TLE4: variants seen among roughly 807,000 people sequenced by gnomAD.
TLE4 encodes TLE family member 4, transcriptional corepressor, also known as transducin-like enhancer protein 4.
TLE4 carries 8 observed loss-of-function variants against 92.8 expected under a neutral mutation model. The observed-to-expected ratio is 0.09, with a 90% CI of 0.05 to 0.16. The LOEUF (loss-of-function observed/expected upper bound fraction) is 0.16. TLE4 is among the 10% of genes least tolerant of loss of function. The pLI is 1.00. For synonymous variants in TLE4, 371 were observed against 374.1 expected (o/e 0.99, Z 0.10); for missense variants, 675 against 997.6 (o/e 0.68, Z 4.36).
chr9:79,721,716 T>G, intron 16 of TLE4, 25 bp from the exon 17 acceptor site: 1 of 1,613,834 alleles, frequency 6.2e-7, no homozygotes, highest in South Asian at 1.1e-5. Context: ...TTTCAAGGGC[T>G]TTCCCTCCAT....
intron 8 of TLE4, among the ~76,000 whole-genome samples, chr9:79,682,601 G>A (rs778944572): frequency 6.6e-6 from 1 of 152,140 alleles, no homozygotes; most frequent in African/African-American, 2.4e-5. Flanking sequence ...GTTCAGGCAG[G>A]TGTTCCAAAC....
At position 79,704,811 on chromosome 9, in the gene TLE4, T is replaced by C; in HGVS notation, c.638T>C (p.Phe213Ser). ...KSSSVSPSAS[F>S]RGAEKHRNSA... ...TCTTCAGTATCCCCATCAGCCAGTTTCCGAGGTGCTGAGAAGCACAGAAAC... is the reference window on the plus strand; with the variant it reads ...TCTTCAGTATCCCCATCAGCCAGTTCCCGAGGTGCTGAGAAGCACAGAAAC... The change falls in exon 9 of 20, where the codon TTC becomes TCC. Residue 213 changes from phenylalanine (F) to serine (S), a missense_variant. This residue lies in a region of TLE4 where 280 missense variants were observed against 287.3 expected (regional missense o/e 0.97). Transcript: ENST00000376552. 1 of 1,614,168 alleles carries C rather than the reference T, an allele frequency of 6.2e-7. No individual in the cohort carries two copies. The highest frequency in any genetic ancestry group is 8.5e-7 in the Non-Finnish European group (1 of 1,180,016).
At chr9:79,642,337 C>T (rs769798747) in intron 6 of TLE4, among the ~76,000 whole-genome samples, 3 of 151,938 alleles carry the variant, frequency 2.0e-5, no homozygotes, top group Non-Finnish European at 4.4e-5. Context: ...GGCACCACAG[C>T]CTCAAATGCC....
At chr9:79,655,742 C>A (rs78419275) in intron 8 of TLE4, among the ~76,000 whole-genome samples, 1 of 152,146 alleles carries the variant, frequency 6.6e-6, no homozygotes, top group East Asian at 1.9e-4. Flanking sequence ...TTAACTGATA[C>A]CAGCCTTTGA....
At chr9:79,573,133 C>T in intron 1 of TLE4, 1 of 677,406 alleles carries the variant, frequency 1.5e-6, no homozygotes, top group Non-Finnish European at 2.0e-6. Flanking sequence ...GGGGGGGTGG[C>T]GAGCGATGAA....
intron 8 of TLE4, among the ~76,000 whole-genome samples, chr9:79,675,509 C>T (rs900737825): frequency 6.6e-6 from 1 of 152,154 alleles, no homozygotes; most frequent in African/African-American, 2.4e-5. Flanking sequence ...TGTGAATCTA[C>T]ATGAAAACAA....
chr9:79,614,578 C>A (rs1025837784), intron 5 of TLE4, among the ~76,000 whole-genome samples: 5 of 152,142 alleles, frequency 3.3e-5, no homozygotes, highest in African/African-American at 1.2e-4. Flanking sequence ...TTGCTCTAGT[C>A]TGGGAAGAAA....
rs924577379 is a variant in TLE4, at chr9:79,617,142, G to A, written c.315+4424G>A. The stretch of plus-strand genomic sequence containing the variant: ...AAGAGTTCAAGGTAATATTTCAAAC[G>A]AGCTGGCTGGCAGTCTTCCTGCAGA... On this transcript the variant is annotated intron_variant, in intron 5 of 19. Coordinates refer to ENST00000376552, the MANE Select transcript of TLE4 (RefSeq NM_007005.6). Among the ~76,000 whole-genome samples the A allele has an allele frequency of 1.3e-5, 2 of 152,252 alleles. 1 individual carries two copies. The highest frequency in any genetic ancestry group is 4.1e-4 in the South Asian group (2 of 4,826).
chr9:79,656,504 G>T (rs2059801986), intron 8 of TLE4, among the ~76,000 whole-genome samples: 1 of 152,132 alleles, frequency 6.6e-6, no homozygotes, highest in African/African-American at 2.4e-5. Context: ...TTGGCCATCT[G>T]TCAAAAGGAA....
chr9:79,720,824 G>C (rs1033071616), intron 16 of TLE4, among the ~76,000 whole-genome samples: 2 of 152,120 alleles, frequency 1.3e-5, no homozygotes, highest in Non-Finnish European at 2.9e-5. Context: ...GCACTGTATT[G>C]GGTGCAACTC....
At chr9:79,675,915 T>C (rs1164724714) in intron 8 of TLE4, among the ~76,000 whole-genome samples, 1 of 152,090 alleles carries the variant, frequency 6.6e-6, no homozygotes, top group Non-Finnish European at 1.5e-5. Flanking sequence ...ATCTGAAAAA[T>C]CTGAAATTTT....
At chr9:79,573,447 C>T (rs1343331254) in intron 1 of TLE4, 5 of 1,135,738 alleles carry the variant, frequency 4.4e-6, no homozygotes, top group Non-Finnish European at 5.6e-6. Flanking sequence ...GGACTCGAAC[C>T]CTCGGGGTCC....
At position 79,721,885 on chromosome 9, in the gene TLE4, C is replaced by G. The variant is rs757136420; in HGVS notation, c.1983C>G (p.Ser661=). The G allele has an allele frequency of 6.2e-7, 1 of 1,612,612 alleles. No homozygotes were observed. The highest frequency in any genetic ancestry group is 1.1e-5 in the South Asian group (1 of 90,732). The change falls in exon 17 of 20, where the codon TCC becomes TCG. Residue 661 remains serine (S), a synonymous_variant. Coordinates refer to ENST00000376552, the MANE Select transcript of TLE4 (RefSeq NM_007005.6). ...GRQLQQHDFT[S]QIFSLGYCPT... ...AGCTGCAGCAGCACGACTTCACCTC[C>G]CAGGTATGATCCGTGGCTGAGGCAT...
At chr9:79,698,425 A>G (rs1434725465) in intron 8 of TLE4, among the ~76,000 whole-genome samples, 2 of 152,252 alleles carry the variant, frequency 1.3e-5, no homozygotes, top group Admixed American at 6.5e-5. Context: ...ATGAAATGTT[A>G]CAGAAGGTGA....
chr9:79,633,708 T>G (rs1420159889), intron 6 of TLE4, among the ~76,000 whole-genome samples: 2 of 152,184 alleles, frequency 1.3e-5, no homozygotes, highest in Non-Finnish European at 2.9e-5. Flanking sequence ...TTTGGTTTTG[T>G]GTCACTTTTG....
At chr9:79,576,770 A>G (rs910569614) in intron 4 of TLE4, 2 of 151,894 alleles carry the variant, frequency 1.3e-5, no homozygotes, top group African/African-American at 4.8e-5. Context: ...ATAAGGTTCA[A>G]CATTGGGTCT....
rs574888867 is a variant in TLE4, at chr9:79,654,129, T to G, written c.609+54T>G. The G allele has an allele frequency of 2.0e-6, 3 of 1,534,150 alleles. No homozygotes were observed. In the East Asian group the frequency reaches 6.8e-5, roughly 35 times the overall value. On this transcript the variant is annotated intron_variant, in intron 8 of 19. Transcript: ENST00000376552. ...ATGGCTTAAAAGGGCTGTAAATGATTTGAATGAATCTAGTAAAGAATTCTT... is the reference window on the plus strand; with the variant it reads ...ATGGCTTAAAAGGGCTGTAAATGATGTGAATGAATCTAGTAAAGAATTCTT...
intron 8 of TLE4, among the ~76,000 whole-genome samples, chr9:79,673,933 G>C (rs565145467): frequency 1.3e-5 from 2 of 152,030 alleles, no homozygotes; most frequent in Non-Finnish European, 2.9e-5. Flanking sequence ...TTGTAGGGCC[G>C]TTCTGCTTAA....
chr9:79,637,812 T>A (rs1356120489), intron 6 of TLE4, among the ~76,000 whole-genome samples: 2 of 152,102 alleles, frequency 1.3e-5, no homozygotes, highest in East Asian at 3.9e-4. Context: ...GTCAATTAAA[T>A]GCCTGAATTG....
Sources: allele counts gnomAD v4.1 joint callset (sites outside exome capture counted in the v4.1 genomes callset), GRCh38; gene constraint gnomAD v4.1.1; regional missense constraint gnomAD v4.1.1; transcripts MANE v1.5; gene names NCBI Gene and HGNC (gene_info 2026-07-23, HGNC 2026-07-21).